Variants in SLC27A6 observed in about 807,000 individuals in gnomAD.
SLC27A6 encodes the protein long-chain fatty acid transport protein 6.
Under a neutral mutation model 63.9 loss-of-function variants are expected in SLC27A6, and 74 were observed. That is an observed-to-expected ratio of 1.16 (90% CI 0.96 to 1.40). The LOEUF is 1.40. Among genes scored for constraint, SLC27A6 ranks in the 40% most tolerant of loss-of-function variants. SLC27A6 has a pLI of 0.00. For missense variants in SLC27A6, 794 were observed against 732.9 expected (o/e 1.08, Z -0.96); for synonymous variants, 287 against 260.8 (o/e 1.10, Z -0.97).
intron 1 of SLC27A6, among the ~76,000 whole-genome samples, chr5:128,979,992 G>A (rs1337855841): frequency 6.6e-6 from 1 of 152,214 alleles, no homozygotes; most frequent in East Asian, 1.9e-4. Context: ...GCCCTTTTGG[G>A]TGGGAAGAGG....
chr5:129,029,204 T>G (rs371305132), intron 8 of SLC27A6, among the ~76,000 whole-genome samples: 6 of 152,208 alleles, frequency 3.9e-5, no homozygotes, highest in East Asian at 1.9e-4. Flanking sequence ...GCCCTTCATA[T>G]TTTACATTAA....
At position 128,985,128 on chromosome 5, in the gene SLC27A6, T is replaced by G. The variant is rs758486117; in HGVS notation, c.482-5T>G. ...CTTAACTCTTCCCAACCCTTTGGCT[T>G]TTAGATTTGCTTGGAACGGTAGAAG... is the stretch of plus-strand genomic sequence containing the variant. On this transcript the variant is annotated splice_polypyrimidine_tract_variant and splice_region_variant and intron_variant, in intron 1 of 9. Coordinates refer to ENST00000262462, the MANE Select transcript of SLC27A6 (RefSeq NM_001017372.3). 1 of 1,611,774 alleles carries G rather than the reference T, an allele frequency of 6.2e-7. No homozygotes were observed. The highest frequency in any genetic ancestry group is 1.1e-5 in the South Asian group (1 of 90,880).
In SLC27A6 at chr5:129,033,204, G is replaced by A; in HGVS notation, c.1782G>A (p.Met594Ile). The A allele has an allele frequency of 1.2e-6, 2 of 1,603,144 alleles. No individual in the cohort carries two copies. The highest frequency in any genetic ancestry group is 1.7e-6 in the Non-Finnish European group (2 of 1,173,980). The change falls in exon 10 of 10, where the codon ATG becomes ATA. Residue 594 changes from methionine to isoleucine, a missense_variant. Met to Ile is a conservative substitution (Grantham distance 10). Transcript: ENST00000262462. ...AAATTTCTGAACCACTTTACTTCAT[G>A]GATAACTTGAAAAAGTCTTATGTTC... is the stretch of plus-strand genomic sequence containing the variant. ...PLKISEPLYF[M>I]DNLKKSYVLL...
chr5:129,026,945 G>T (rs2150155448), intron 6 of SLC27A6, among the ~76,000 whole-genome samples, 188 bp from the exon 7 acceptor site: 1 of 152,090 alleles, frequency 6.6e-6, no homozygotes, highest in South Asian at 2.1e-4. Context: ...TGTATTTGTG[G>T]TAATCTATGA....
chr5:129,003,580 T>C (rs980470541), intron 4 of SLC27A6, among the ~76,000 whole-genome samples: 3 of 152,312 alleles, frequency 2.0e-5, no homozygotes, highest in African/African-American at 7.2e-5. Flanking sequence ...CTCATGCCGA[T>C]AATCCCAGCA....
rs543124930 is a variant in SLC27A6, at chr5:129,005,112, G to A, written c.970-10773G>A. On this transcript the variant is annotated intron_variant, in intron 4 of 9. Transcript: ENST00000262462. ...CACTGGCTTCCAGTTTTCTTCCAGG[G>A]TTCACCAATAGAGTTTCACAACATA... Among the ~76,000 whole-genome samples the A allele has an allele frequency of 2.6e-4, 39 of 152,094 alleles. No homozygotes were observed. In the South Asian group the frequency reaches 8.1e-3, roughly 32 times the overall value.
chr5:128,970,310 A>C (rs754510852), intron 1 of SLC27A6, among the ~76,000 whole-genome samples: 2 of 152,004 alleles, frequency 1.3e-5, no homozygotes, highest in South Asian at 4.1e-4. Flanking sequence ...TTTTCTATTG[A>C]TTGGAATAGT....
chr5:128,984,118 A>G (rs1207666830), intron 1 of SLC27A6, among the ~76,000 whole-genome samples: 1 of 152,238 alleles, frequency 6.6e-6, no homozygotes, highest in East Asian at 1.9e-4. Flanking sequence ...ACTTCATGTC[A>G]GAGATCCATG....
intron 4 of SLC27A6, among the ~76,000 whole-genome samples, chr5:129,006,016 G>A (rs528823839): frequency 4.7e-4 from 67 of 143,734 alleles, no homozygotes; most frequent in African/African-American, 1.6e-3. Flanking sequence ...TAGACTTTAT[G>A]ATAATATCTT....
At chr5:129,007,914 G>T (rs1751598397) in intron 4 of SLC27A6, among the ~76,000 whole-genome samples, 2 of 151,782 alleles carry the variant, frequency 1.3e-5, no homozygotes, top group South Asian at 2.1e-4. Flanking sequence ...TCAAAAGCAT[G>T]GAACATCATA....
At chr5:128,974,092 C>A (rs67198161) in intron 1 of SLC27A6, among the ~76,000 whole-genome samples, 3 of 152,024 alleles carry the variant, frequency 2.0e-5, no homozygotes, top group African/African-American at 7.2e-5. Context: ...ATTCCAAAGC[C>A]GGTTTCCTGA....
chr5:129,001,296 C>T (rs1041165279), intron 4 of SLC27A6, among the ~76,000 whole-genome samples: 1 of 152,174 alleles, frequency 6.6e-6, no homozygotes, highest in Non-Finnish European at 1.5e-5. Flanking sequence ...CAGTTTATGC[C>T]TATTTTTCTG....
At chr5:129,026,831 A>C (rs190985914) in intron 6 of SLC27A6, among the ~76,000 whole-genome samples, 10 of 152,252 alleles carry the variant, frequency 6.6e-5, no homozygotes, top group Non-Finnish European at 2.9e-5. Context: ...TACATAATCC[A>C]AAACAAAAAT....
At chr5:128,979,787 T>C in intron 1 of SLC27A6, among the ~76,000 whole-genome samples, 1 of 152,238 alleles carries the variant, frequency 6.6e-6, no homozygotes, top group Admixed American at 6.5e-5. Context: ...TGGGAACAAC[T>C]GAGAGTGAAA....
At chr5:128,980,831 C>A (rs1357663452) in intron 1 of SLC27A6, among the ~76,000 whole-genome samples, 1 of 152,162 alleles carries the variant, frequency 6.6e-6, no homozygotes, top group East Asian at 1.9e-4. Flanking sequence ...CATGCCATAT[C>A]TTTGAAAGTA....
Position 129,029,665 on chromosome 5 carries a change from A to G in SLC27A6, c.1641A>G (p.Thr547=), listed in dbSNP as rs759331594. Residue 547 remains threonine, a synonymous_variant, in exon 9 of 10, where the codon ACA becomes ACG. Transcript: ENST00000262462. ...DLEKVYEQVV[T]FLPAYACPRF... The stretch of plus-strand genomic sequence containing the variant: ...AAAAAGTTTATGAACAAGTTGTAAC[A>G]TTTCTACCAGCTTATGCTTGTCCAC... 5 of 1,602,660 alleles carry G rather than the reference A, an allele frequency of 3.1e-6. No homozygotes were observed. The highest frequency in any genetic ancestry group is 2.2e-5 in the East Asian group (1 of 44,480).
intron 4 of SLC27A6, among the ~76,000 whole-genome samples, chr5:129,008,797 T>A (rs2150146225): frequency 6.6e-6 from 1 of 152,220 alleles, no homozygotes; most frequent in Middle Eastern, 3.4e-3. Flanking sequence ...TATGTAGGTC[T>A]AAGGAAATCA....
chr5:129,013,455 C>T (rs566247768), intron 4 of SLC27A6, among the ~76,000 whole-genome samples: 25 of 152,176 alleles, frequency 1.6e-4, no homozygotes, highest in Admixed American at 8.5e-4. Context: ...CTTGTACTAG[C>T]TTTAAAATAT....
At chr5:129,003,478 G>A (rs1751411821) in intron 4 of SLC27A6, among the ~76,000 whole-genome samples, 2 of 152,136 alleles carry the variant, frequency 1.3e-5, no homozygotes, top group African/African-American at 4.8e-5. Flanking sequence ...AGTTCTGCTT[G>A]ATCAATTCAA....
Sources: gnomAD v4.1 joint callset for allele counts (sites outside exome capture counted in the v4.1 genomes callset) on GRCh38, gnomAD v4.1.1 for gene constraint, MANE v1.5 for transcripts, NCBI Gene and HGNC (gene_info 2026-07-23, HGNC 2026-07-21) for gene names.